The following TSPAN5 variants were observed in gnomAD, a reference collection of about 807,000 sequenced individuals.
TSPAN5 encodes tetraspanin 5, also known as tetraspanin-5.
Under a neutral mutation model 37.1 loss-of-function variants are expected in TSPAN5, and 10 were observed. The observed-to-expected ratio is 0.27, with a 90% CI of 0.17 to 0.46. The LOEUF (loss-of-function observed/expected upper bound fraction) is 0.46. TSPAN5 is among the 20% of genes least tolerant of loss of function. The pLI is 1.00. For synonymous variants in TSPAN5, 110 were observed against 118.9 expected (o/e 0.93, Z 0.48); for missense variants, 195 against 326.6 (o/e 0.60, Z 3.11).
intron 1 of TSPAN5, among the ~76,000 whole-genome samples, chr4:98,633,088 G>C (rs1013647516): frequency 1.3e-5 from 2 of 152,062 alleles, no homozygotes; most frequent in African/African-American, 2.4e-5. Context: ...AGGGAGAGCT[G>C]AAAAGGTAAT....
At chr4:98,598,556 C>A (rs531586665) in intron 1 of TSPAN5, among the ~76,000 whole-genome samples, 5 of 152,222 alleles carry the variant, frequency 3.3e-5, no homozygotes, top group African/African-American at 1.2e-4. Flanking sequence ...CCTCCACCTC[C>A]CGGGCTCAAG....
At chr4:98,506,000 T>C (rs572824136) in intron 2 of TSPAN5, among the ~76,000 whole-genome samples, 64 of 152,352 alleles carry the variant, frequency 4.2e-4, no homozygotes, top group Non-Finnish European at 7.3e-4. Context: ...AAGTTTGTGA[T>C]TTTATCAGAG....
intron 1 of TSPAN5, among the ~76,000 whole-genome samples, chr4:98,513,030 C>T (rs1209091220): frequency 2.0e-5 from 3 of 152,066 alleles, no homozygotes; most frequent in African/African-American, 7.2e-5. Flanking sequence ...GTGAGAAATG[C>T]GTACATGTAG....
At chr4:98,496,120 A>G (rs923046970) in intron 2 of TSPAN5, among the ~76,000 whole-genome samples, 3 of 152,224 alleles carry the variant, frequency 2.0e-5, no homozygotes, top group Non-Finnish European at 2.9e-5. Flanking sequence ...GAGGAATGAC[A>G]TTTCAAAGAA....
At chr4:98,481,376 C>A (rs1424192343) in intron 4 of TSPAN5, among the ~76,000 whole-genome samples, 1 of 152,114 alleles carries the variant, frequency 6.6e-6, no homozygotes, top group Non-Finnish European at 1.5e-5. Flanking sequence ...ACTGAAAGAG[C>A]CATTTCACAG....
intron 1 of TSPAN5, among the ~76,000 whole-genome samples, chr4:98,657,201 G>T (rs1757310961): frequency 6.6e-6 from 1 of 152,136 alleles, no homozygotes. Context: ...TCAAGGAAAA[G>T]AATCAAAACA....
chr4:98,530,523 C>A (rs1754058390), intron 1 of TSPAN5, among the ~76,000 whole-genome samples: 1 of 152,178 alleles, frequency 6.6e-6, no homozygotes, highest in South Asian at 2.1e-4. Flanking sequence ...CACTCCACCC[C>A]ACCTGCACTT....
intron 1 of TSPAN5, among the ~76,000 whole-genome samples, chr4:98,608,942 T>A (rs1579027096): frequency 6.6e-6 from 1 of 152,190 alleles, no homozygotes; most frequent in East Asian, 1.9e-4. Context: ...AAACTGTAGT[T>A]ACTAACACAT....
intron 1 of TSPAN5, among the ~76,000 whole-genome samples, chr4:98,520,456 C>G (rs1361597001): frequency 6.6e-6 from 1 of 152,198 alleles, no homozygotes; most frequent in Non-Finnish European, 1.5e-5. Flanking sequence ...CAGGACTGGC[C>G]TGGGGGCACC....
At chr4:98,533,790 T>A (rs1267807999) in intron 1 of TSPAN5, among the ~76,000 whole-genome samples, 2 of 149,690 alleles carry the variant, frequency 1.3e-5, no homozygotes, top group Non-Finnish European at 3.0e-5. Flanking sequence ...GACCTCGTGA[T>A]CCGCCCGCCT....
chr4:98,558,864 G>A (rs1578992089), intron 1 of TSPAN5, among the ~76,000 whole-genome samples: 6 of 152,162 alleles, frequency 3.9e-5, no homozygotes, highest in Admixed American at 3.9e-4. Context: ...ATTGAAAATG[G>A]TAATTCCTTT....
chr4:98,613,694 A>C (rs1453184835), intron 1 of TSPAN5, among the ~76,000 whole-genome samples: 1 of 151,482 alleles, frequency 6.6e-6, no homozygotes, highest in East Asian at 1.9e-4. Flanking sequence ...ACAACCAAGA[A>C]AAAAAAAAGT....
At chr4:98,527,787 A>T (rs1471514658) in intron 1 of TSPAN5, among the ~76,000 whole-genome samples, 1 of 152,214 alleles carries the variant, frequency 6.6e-6, no homozygotes, top group Non-Finnish European at 1.5e-5. Context: ...AAAAGCCCGG[A>T]TGTCATCACT....
At chr4:98,495,375 A>G (rs1405169942) in intron 2 of TSPAN5, among the ~76,000 whole-genome samples, 1 of 151,986 alleles carries the variant, frequency 6.6e-6, no homozygotes, top group African/African-American at 2.4e-5. Flanking sequence ...TAAAAATACA[A>G]AAAATTAGCC....
At chr4:98,620,561 A>T (rs942034966) in intron 1 of TSPAN5, among the ~76,000 whole-genome samples, 4 of 152,236 alleles carry the variant, frequency 2.6e-5, no homozygotes, top group Non-Finnish European at 1.5e-5. Flanking sequence ...AGTCGACAAT[A>T]AGAACAAAGG....
chr4:98,592,125 A>G (rs968866837), intron 1 of TSPAN5, among the ~76,000 whole-genome samples: 5 of 151,384 alleles, frequency 3.3e-5, no homozygotes, highest in African/African-American at 1.2e-4. Context: ...AAATAGTGTT[A>G]TAACAACTAG....
chr4:98,529,312 G>C (rs773467332), intron 1 of TSPAN5, among the ~76,000 whole-genome samples: 16 of 152,352 alleles, frequency 1.1e-4, no homozygotes, highest in Non-Finnish European at 1.9e-4. Context: ...AATGAAATTA[G>C]AGACTTTTCT....
At chr4:98,629,091 A>G (rs990607338) in intron 1 of TSPAN5, among the ~76,000 whole-genome samples, 1 of 152,234 alleles carries the variant, frequency 6.6e-6, no homozygotes, top group African/African-American at 2.4e-5. Flanking sequence ...CAATTAAATA[A>G]AAAGGAAAAA....
chr4:98,520,602 T>C (rs1410763700), intron 1 of TSPAN5, among the ~76,000 whole-genome samples: 1 of 152,226 alleles, frequency 6.6e-6, no homozygotes, highest in Non-Finnish European at 1.5e-5. Context: ...AGTAACTGTG[T>C]GTGACCTTGG....
Sources: allele counts gnomAD v4.1 joint callset (sites outside exome capture counted in the v4.1 genomes callset), GRCh38; gene constraint gnomAD v4.1.1; transcripts MANE v1.5; gene names NCBI Gene and HGNC (gene_info 2026-07-23, HGNC 2026-07-21).